The following TRIM63 variants were observed in gnomAD, a reference collection of about 807,000 sequenced individuals.
TRIM63 encodes E3 ubiquitin-protein ligase TRIM63.
A neutral mutation model predicts 46.0 loss-of-function variants in TRIM63; 48 were observed. That is an observed-to-expected ratio of 1.04 (90% CI 0.83 to 1.33). The LOEUF (loss-of-function observed/expected upper bound fraction) is 1.33. Among genes scored for constraint, TRIM63 ranks in the 40% most tolerant of loss-of-function variants. The pLI is 0.00. For missense variants in TRIM63, 455 were observed against 441.2 expected (o/e 1.03, Z -0.28); for synonymous variants, 175 against 162.8 (o/e 1.08, Z -0.57).
At position 26,066,357 on chromosome 1, in the gene TRIM63, C is replaced by T. The variant is rs771871021; in HGVS notation, c.243G>A (p.Glu81=). The T allele has an allele frequency of 1.2e-6, 2 of 1,613,936 alleles. No homozygotes were observed. Among genetic ancestry groups the T allele is most frequent in the South Asian group, 2.2e-5 (2 of 91,082 alleles). ...GRFRCPTCRH[E]VIMDRHGVYG... ...ACACTCCGTGACGATCCATGATCAC[C>T]TCGTGGCGGCAGGTGGGGCAGCGGA... Residue 81 remains glutamate, a synonymous_variant, in exon 2 of 9, where the codon GAG becomes GAA. Coordinates refer to ENST00000374272, the MANE Select transcript of TRIM63 (RefSeq NM_032588.4).
At chr1:26,067,239 G>A in intron 1 of TRIM63, 97 bp downstream of exon 1, 1 of 1,451,456 alleles carries the variant, frequency 6.9e-7, no homozygotes, top group South Asian at 1.3e-5. Context: ...AGGGGAAAGA[G>A]GCTGTCCAGG....
rs796546484 is a variant in TRIM63, at chr1:26,063,352, G to T, written c.333-2018C>A. Among the ~76,000 whole-genome samples the T allele has an allele frequency of 2.6e-5, 4 of 152,192 alleles. No homozygotes were observed. The South Asian group carries it at 8.3e-4, about 32-fold the overall frequency. On this transcript the variant is annotated intron_variant, in intron 2 of 8. Transcript: ENST00000374272. The stretch of plus-strand genomic sequence containing the variant: ...ATCTTGCAAATGTCAAATGGTGACT[G>T]TTCCCATCAGTGTCAATGCCTCACC...
intron 7 of TRIM63, among the ~76,000 whole-genome samples, chr1:26,054,692 C>T (rs1490522560): frequency 6.6e-6 from 1 of 152,178 alleles, no homozygotes; most frequent in African/African-American, 2.4e-5. Flanking sequence ...TCAGGCCAGG[C>T]TTGGTCGCTC....
intron 2 of TRIM63, among the ~76,000 whole-genome samples, chr1:26,063,671 CATTTTTGTG>C (rs2050647768): frequency 6.6e-6 from 1 of 152,168 alleles, no homozygotes; most frequent in African/African-American, 2.4e-5. Context: ...CTCTTACATT[CATTTTTGTG>C]ATTTTGGACT....
Position 26,067,539 on chromosome 1 carries a change from A to G in TRIM63, c.-45T>C. Reference sequence around the variant, plus strand: ...GCCACGCCTAGCTGCCTCCTCTACTAACTTTGCTCTAAGTAGACCTGGGGG... The same window carrying G: ...GCCACGCCTAGCTGCCTCCTCTACTGACTTTGCTCTAAGTAGACCTGGGGG... On this transcript the variant is annotated 5_prime_UTR_variant, in exon 1 of 9. Coordinates refer to ENST00000374272, the MANE Select transcript of TRIM63 (RefSeq NM_032588.4). 1.9e-6 allele frequency: 3 copies of G among 1,604,900 alleles called. No individual in the cohort carries two copies. Among genetic ancestry groups the G allele is most frequent in the Non-Finnish European group, 2.6e-6 (3 of 1,176,258 alleles).
chr1:26,060,462 G>A (rs746744622), intron 3 of TRIM63, 101 bp from the exon 4 acceptor site: 384 of 826,904 alleles, frequency 4.6e-4, no homozygotes, highest in Non-Finnish European at 6.9e-4. Context: ...TCCCCTCTCT[G>A]CTAGAAAGAG....
At chr1:26,052,007 C>T (rs1186321567) in intron 8 of TRIM63, 124 bp from the exon 9 acceptor site, 6 of 794,350 alleles carry the variant, frequency 7.6e-6, no homozygotes, top group African/African-American at 1.8e-5. Flanking sequence ...CAATTCCTCC[C>T]GGTCTCTTCC....
At chr1:26,063,072 G>GTTTT (rs2050642098) in intron 2 of TRIM63, among the ~76,000 whole-genome samples, 1 of 151,674 alleles carries the variant, frequency 6.6e-6, no homozygotes, top group Non-Finnish European at 1.5e-5. Flanking sequence ...TTGTTTGTTT[G>GTTTT]TTTGTTTGTT....
At position 26,053,833 on chromosome 1, in the gene TRIM63, C is replaced by T. The variant is rs1395947738; in HGVS notation, c.1051+60G>A. 19 of 1,293,976 alleles carry T rather than the reference C, an allele frequency of 1.5e-5. No homozygotes were observed. The Middle Eastern group carries it at 5.5e-4, about 37-fold the overall frequency. 80.2% of individuals were successfully genotyped at this position (1,293,976 alleles called of 1,614,324 possible). On this transcript the variant is annotated intron_variant, in intron 8 of 8. Transcript: ENST00000374272. The stretch of plus-strand genomic sequence containing the variant: ...CACAGTGCTTCACATACAGTAGGCA[C>T]CTCAGATTGTTGTGGAATGAATGAA...
intron 8 of TRIM63, among the ~76,000 whole-genome samples, 165 bp downstream of exon 8, chr1:26,053,728 G>T (rs2050542754): frequency 6.6e-6 from 1 of 152,138 alleles, no homozygotes; most frequent in South Asian, 2.1e-4. Context: ...TTTTCTAAGG[G>T]TAAAGAGAAC....
chr1:26,062,507 AG>A (rs2050635350), intron 2 of TRIM63, among the ~76,000 whole-genome samples: 1 of 152,174 alleles, frequency 6.6e-6, no homozygotes, highest in African/African-American at 2.4e-5. Context: ...GTTGCCCCTG[AG>A]GCTCAGAGAA....
At chr1:26,066,184 T>C (rs2050674702) in intron 2 of TRIM63, 84 bp downstream of exon 2, 1 of 1,479,224 alleles carries the variant, frequency 6.8e-7, no homozygotes, top group Non-Finnish European at 9.3e-7. Flanking sequence ...CCTGAGCAGA[T>C]GAAGGAGGGG....
At chr1:26,064,465 A>G (rs1028093395) in intron 2 of TRIM63, among the ~76,000 whole-genome samples, 1 of 151,858 alleles carries the variant, frequency 6.6e-6, no homozygotes, top group African/African-American at 2.4e-5. Context: ...AAATATTCTC[A>G]CACCCTCTCT....
intron 8 of TRIM63, 70 bp downstream of exon 8, chr1:26,053,823 A>T: frequency 8.4e-7 from 1 of 1,192,538 alleles, no homozygotes; most frequent in Non-Finnish European, 1.2e-6. Context: ...TGCTTCACAT[A>T]CAGTAGGCAC....
chr1:26,062,296 A>G (rs1276542213), intron 2 of TRIM63, among the ~76,000 whole-genome samples: 1 of 152,118 alleles, frequency 6.6e-6, no homozygotes, highest in Non-Finnish European at 1.5e-5. Flanking sequence ...GAAAGAAAGA[A>G]AGAAAGAATA....
intron 5 of TRIM63, 104 bp from the exon 6 acceptor site, chr1:26,057,754 T>G: frequency 6.5e-6 from 8 of 1,238,032 alleles, no homozygotes; most frequent in African/African-American, 3.0e-5. Context: ...TTTGGTGCCA[T>G]TCCCTAGCCC....
chr1:26,065,076 T>A (rs2124443372), intron 2 of TRIM63, among the ~76,000 whole-genome samples: 1 of 152,142 alleles, frequency 6.6e-6, no homozygotes, highest in Middle Eastern at 3.4e-3. Flanking sequence ...CAGGCTGGAG[T>A]GCAGTGGCAC....
At chr1:26,065,960 C>T (rs1294805523) in intron 2 of TRIM63, among the ~76,000 whole-genome samples, 1 of 152,230 alleles carries the variant, frequency 6.6e-6, no homozygotes, top group East Asian at 1.9e-4. Flanking sequence ...ATTTTCTCTG[C>T]TGACCAGAGC....
At position 26,067,459 on chromosome 1, in the gene TRIM63, A is replaced by T; in HGVS notation, c.36T>A (p.Asn12Lys). ...DYKSSLIQDG[N>K]PMENLEKQLI... The stretch of plus-strand genomic sequence containing the variant: ...GCTGCTTCTCCAAGTTCTCCATGGG[A>T]TTCCCATCCTGGATCAGGCTCGACT... The change falls in exon 1 of 9, where the codon AAT becomes AAA. Residue 12 changes from asparagine (N) to lysine (K), a missense_variant. Coordinates refer to ENST00000374272, the MANE Select transcript of TRIM63 (RefSeq NM_032588.4). 6.2e-7 allele frequency: 1 copy of T among 1,614,096 alleles called. No homozygotes were observed. Among genetic ancestry groups the T allele is most frequent in the Non-Finnish European group, 8.5e-7 (1 of 1,180,020 alleles).
Sources: gnomAD v4.1 joint callset for allele counts (sites outside exome capture counted in the v4.1 genomes callset) on GRCh38, gnomAD v4.1.1 for gene constraint, MANE v1.5 for transcripts, NCBI Gene and HGNC (gene_info 2026-07-23, HGNC 2026-07-21) for gene names.